ATAD3A: variants seen among roughly 807,000 people sequenced by gnomAD.
ATAD3A encodes the protein ATPase family AAA domain-containing protein 3A.
ATAD3A carries 46 observed loss-of-function variants against 73.8 expected under a neutral mutation model. The observed-to-expected ratio is 0.62, with a 90% CI of 0.49 to 0.80. The LOEUF (loss-of-function observed/expected upper bound fraction) is 0.80, where lower values mean the gene tolerates loss of function less well. Ranked by LOEUF, ATAD3A falls within the 30% of genes least tolerant of loss-of-function variation. The pLI, the probability that ATAD3A is intolerant of heterozygous loss-of-function variation, is 0.00. For missense variants in ATAD3A, 705 were observed against 838.0 expected, an observed-to-expected ratio of 0.84 and a Z score of 1.96; for synonymous variants, 319 against 350.0, an observed-to-expected ratio of 0.91 and a Z score of 0.99.
rs368661989 is a variant in ATAD3A, at chr1:1,534,110, C to A, written c.*38C>A. On this transcript the variant is annotated 3_prime_UTR_variant, in exon 16 of 16. Transcript: ENST00000378756. ...ATCCACAGCTCACGGAGCCTGGCCG[C>A]GGACCCCTCCCACCCCTGCCTTGCC... is the stretch of plus-strand genomic sequence containing the variant. The A allele has an allele frequency of 1.9e-6, 3 of 1,613,138 alleles. No individual in the cohort carries two copies. The highest frequency in any genetic ancestry group is 1.7e-5 in the Admixed American group (1 of 59,994).
intron 2 of ATAD3A, 36 bp from the exon 3 acceptor site, chr1:1,517,275 G>A: frequency 1.3e-6 from 2 of 1,547,498 alleles, no homozygotes. Flanking sequence ...TGCCAGCCCT[G>A]AGCAAGTGCC....
In ATAD3A at chr1:1,534,448, C is replaced by G; in HGVS notation, c.*376C>G. 1 of 1,220,258 alleles carries G rather than the reference C, an allele frequency of 8.2e-7. No homozygotes were observed. Among genetic ancestry groups the G allele is most frequent in the Non-Finnish European group, 1.0e-6 (1 of 955,870 alleles). The allele number at this position is 1,220,258 out of a possible 1,614,324, so 75.6% of individuals were successfully genotyped here. A position where few individuals can be genotyped will look rare whatever the true frequency, so the allele number is the denominator to read the frequency against. Reference sequence around the variant, plus strand: ...AGGCAGGTGATGTCTTTGTTCTCGGCTCCCACAGCAGAGCCAGGTGAGGGG... The same window carrying G: ...AGGCAGGTGATGTCTTTGTTCTCGGGTCCCACAGCAGAGCCAGGTGAGGGG... On this transcript the variant is annotated 3_prime_UTR_variant, in exon 16 of 16. Coordinates refer to ENST00000378756, the MANE Select transcript of ATAD3A (RefSeq NM_001170535.3).
intron 15 of ATAD3A, 112 bp from the exon 16 acceptor site, chr1:1,533,814 C>T (rs551978606): frequency 3.6e-6 from 5 of 1,391,450 alleles, no homozygotes; most frequent in Non-Finnish European, 4.8e-6. Context: ...GTTTCACGCT[C>T]AGGCCATCCT....
At chr1:1,532,934 G>A (rs551774158) in intron 15 of ATAD3A, among the ~76,000 whole-genome samples, 4 of 150,978 alleles carry the variant, frequency 2.6e-5, no homozygotes, top group African/African-American at 7.3e-5. Flanking sequence ...TGTCTCCTGC[G>A]CTCCCGGGCC....
intron 13 of ATAD3A, 123 bp downstream of exon 13, chr1:1,526,654 T>G: frequency 6.5e-7 from 1 of 1,549,384 alleles, no homozygotes; most frequent in Non-Finnish European, 8.7e-7. Context: ...GGCCTCAACA[T>G]GCCCACCTCG....
chr1:1,521,316 A>AT (rs1174609226), intron 7 of ATAD3A, among the ~76,000 whole-genome samples: 5 of 150,742 alleles, frequency 3.3e-5, no homozygotes, highest in African/African-American at 1.2e-4. Flanking sequence ...AAAAAAAAAA[A>AT]AAAAAAAAAA....
Position 1,523,705 on chromosome 1 carries a change from GGATA to G in ATAD3A, c.964-128_964-125del. The G allele has an allele frequency of 6.3e-7, 1 of 1,588,278 alleles. No individual in the cohort carries two copies. The highest frequency in any genetic ancestry group is 8.6e-7 in the Non-Finnish European group (1 of 1,165,460). ...GATGCGACTGCTTGGACCGTGCTGG[GGATA>G]GATAGGCTGCCCCTGAGGTGGGAGG... On this transcript the variant is annotated intron_variant, in intron 9 of 15. Transcript: ENST00000378756. This position sits in a 1 kb window ranked among gnomAD's most constrained non-coding sequence, Gnocchi z 5.1.
At chr1:1,532,880 A>G (rs113713528) in intron 15 of ATAD3A, among the ~76,000 whole-genome samples, 5 of 144,916 alleles carry the variant, frequency 3.5e-5, no homozygotes, top group African/African-American at 1.3e-4. Context: ...TGTCTCCTGC[A>G]CTCCGGGGCC....
intron 15 of ATAD3A, among the ~76,000 whole-genome samples, chr1:1,530,208 A>G (rs1466768575): frequency 1.3e-5 from 2 of 152,204 alleles, no homozygotes; most frequent in African/African-American, 4.8e-5. Flanking sequence ...GTTCCAGGCC[A>G]TCCCCACTTG....
intron 15 of ATAD3A, among the ~76,000 whole-genome samples, chr1:1,529,955 TG>T (rs1192210721): frequency 6.6e-6 from 1 of 152,248 alleles, no homozygotes; most frequent in Non-Finnish European, 1.5e-5. Context: ...GAAGGCACCC[TG>T]GCCACGCACA....
rs745386724 is a variant in ATAD3A at position 1,518,950 on chromosome 1, G to A, written c.474G>A (p.Lys158=). 3.1e-6 allele frequency: 5 copies of A among 1,614,174 alleles called. No homozygotes were observed. Among genetic ancestry groups the A allele is most frequent in the Non-Finnish European group, 4.2e-6 (5 of 1,179,994 alleles). ...TTCTCAATGAGGAGAATTTACGGAA[G>A]CAGGAGGAGTCCGTGCAGAAGCAGG... ...QQLLNEENLR[K]QEESVQKQEA... Residue 158 remains lysine (K), a synonymous_variant, in exon 5 of 16, where the codon AAG becomes AAA. Coordinates refer to ENST00000378756, the MANE Select transcript of ATAD3A (RefSeq NM_001170535.3).
At chr1:1,527,351 C>T in intron 13 of ATAD3A, 1 of 1,076,004 alleles carries the variant, frequency 9.3e-7, no homozygotes, top group Non-Finnish European at 1.2e-6. Flanking sequence ...AGGTCCTGCT[C>T]CTGGCACGTG....
chr1:1,529,988 C>T (rs1169141919), intron 15 of ATAD3A, among the ~76,000 whole-genome samples: 4 of 152,352 alleles, frequency 2.6e-5, no homozygotes, highest in South Asian at 2.1e-4. Context: ...CTCTGGGGTC[C>T]GCAGAGTCTG....
At chr1:1,515,740 C>T (rs1260810298) in intron 1 of ATAD3A, among the ~76,000 whole-genome samples, 1 of 152,194 alleles carries the variant, frequency 6.6e-6, no homozygotes, top group Non-Finnish European at 1.5e-5. Context: ...TGGGAAAGAG[C>T]CTCCTCCCGT....
intron 12 of ATAD3A, 122 bp downstream of exon 12, chr1:1,525,413 CT>C (rs57929223): frequency 0.23 from 166,013 of 734,948 alleles, 440 homozygotes; most frequent in East Asian, 0.24. Flanking sequence ...TGAAAAACAG[CT>C]TTTTTTTTTT....
intron 12 of ATAD3A, among the ~76,000 whole-genome samples, chr1:1,525,520 T>A (rs1641780074): frequency 6.8e-6 from 1 of 147,936 alleles, no homozygotes; most frequent in African/African-American, 2.5e-5. Context: ...GTTCACGCCA[T>A]TCTCCCGCCT....
intron 10 of ATAD3A, 121 bp downstream of exon 10, chr1:1,524,085 G>A: frequency 2.5e-6 from 4 of 1,580,620 alleles, no homozygotes; most frequent in Non-Finnish European, 3.4e-6. Context: ...CCACCCTCGT[G>A]TAGGCTCAGG....
At position 1,520,307 on chromosome 1, in the gene ATAD3A, G is replaced by A. The variant is rs369916090; in HGVS notation, c.680+1G>A. The A allele has an allele frequency of 1.2e-6, 2 of 1,611,602 alleles. No individual in the cohort carries two copies. Among genetic ancestry groups the A allele is most frequent in the Non-Finnish European group, 1.7e-6 (2 of 1,178,588 alleles). On this transcript the variant is annotated splice_donor_variant, in intron 6 of 15. Coordinates refer to ENST00000378756, the MANE Select transcript of ATAD3A (RefSeq NM_001170535.3). LOFTEE classifies it high-confidence loss of function. The surrounding 1 kb of genome is among the most constrained non-coding windows in gnomAD (Gnocchi z 4.0). ...GTCAGACCGTCTTGGAGTCCATCAG[G>A]TGAGCACTGCCGAGGCCCGGGCCGG...
At chr1:1,525,036 G>C (rs3737712) in intron 11 of ATAD3A, among the ~76,000 whole-genome samples, 1 of 152,182 alleles carries the variant, frequency 6.6e-6, no homozygotes, top group African/African-American at 2.4e-5. Flanking sequence ...GGTTTCCCAC[G>C]GCCTTCTGAG....
Sources: allele counts gnomAD v4.1 joint callset (sites outside exome capture counted in the v4.1 genomes callset), GRCh38; gene constraint gnomAD v4.1.1; non-coding constraint Gnocchi (gnomAD v3.1); transcripts MANE v1.5; gene names NCBI Gene and HGNC (gene_info 2026-07-23, HGNC 2026-07-21).